Variants in THSD7B observed in about 807,000 individuals in gnomAD.
The protein encoded by THSD7B is thrombospondin type 1 domain containing 7B, also known as thrombospondin type-1 domain-containing protein 7B.
THSD7B carries 138 observed loss-of-function variants against 213.6 expected under a neutral mutation model. The observed-to-expected ratio is 0.65, with a 90% CI of 0.56 to 0.74. The LOEUF is 0.74. Among genes scored for constraint, THSD7B ranks in the 30% least tolerant of loss-of-function variants. The pLI is 0.00. For missense variants in THSD7B, 1,931 were observed against 1,991.5 expected (o/e 0.97, Z 0.58); for synonymous variants, 742 against 687.0 (o/e 1.08, Z -1.25).
chr2:137,164,209 C>A (rs1367442246), intron 6 of THSD7B, among the ~76,000 whole-genome samples: 1 of 152,132 alleles, frequency 6.6e-6, no homozygotes, highest in African/African-American at 2.4e-5. Flanking sequence ...CACTAGATAA[C>A]CAGAGGTGGG....
At chr2:137,526,311 G>A (rs1680276192) in intron 15 of THSD7B, among the ~76,000 whole-genome samples, 1 of 152,088 alleles carries the variant, frequency 6.6e-6, no homozygotes, top group Non-Finnish European at 1.5e-5. Context: ...TGTAAGATAT[G>A]GTGCTAGGGG....
At chr2:137,327,107 A>G (rs185280458) in intron 12 of THSD7B, among the ~76,000 whole-genome samples, 3 of 152,284 alleles carry the variant, frequency 2.0e-5, no homozygotes, top group East Asian at 3.9e-4. Context: ...GTCATCTCCA[A>G]TGAAGGCTTA....
chr2:137,604,564 C>A (rs886665484), intron 17 of THSD7B, among the ~76,000 whole-genome samples: 1 of 152,090 alleles, frequency 6.6e-6, no homozygotes, highest in Non-Finnish European at 1.5e-5. Context: ...TCATTTTAAT[C>A]CCAAAAATTG....
At chr2:137,079,128 G>A (rs566550855) in intron 3 of THSD7B, among the ~76,000 whole-genome samples, 131 of 151,928 alleles carry the variant, frequency 8.6e-4, no homozygotes, top group Admixed American at 2.0e-3. Flanking sequence ...AGACCAGCCT[G>A]GGCAACATAG....
rs1313355079 is a variant in THSD7B, at chr2:137,546,374, ATAATATATATATT to A, written c.3139-16846_3139-16834del. Among the ~76,000 whole-genome samples, 432 of 49,550 alleles carry A rather than the reference ATAATATATATATT, an allele frequency of 8.7e-3. 12 individuals carry two copies. The highest frequency in any genetic ancestry group is 0.016 in the Middle Eastern group (2 of 126). The allele number at this position is 49,550 out of a possible 152,430, so 32.5% of individuals were successfully genotyped here. On this transcript the variant is annotated intron_variant, in intron 15 of 27. Coordinates refer to ENST00000409968, the MANE Select transcript of THSD7B (RefSeq NM_001316349.2). The stretch of plus-strand genomic sequence containing the variant: ...GCATATATATATATTATATATATAT[ATAATATATATATT>A]ATATATATTATATATATTATATATA...
chr2:137,125,878 A>G (rs771635536), intron 5 of THSD7B, among the ~76,000 whole-genome samples: 13 of 152,158 alleles, frequency 8.5e-5, no homozygotes, highest in Admixed American at 7.9e-4. Context: ...TGAAAACATT[A>G]ATCTCCTTGT....
intron 17 of THSD7B, among the ~76,000 whole-genome samples, chr2:137,574,499 A>T (rs1461460598): frequency 6.6e-6 from 1 of 152,088 alleles, no homozygotes; most frequent in Non-Finnish European, 1.5e-5. Flanking sequence ...TTTATTGAGC[A>T]TATCTTATAT....
chr2:137,005,260 G>A (rs945060304), intron 2 of THSD7B, among the ~76,000 whole-genome samples: 6 of 152,358 alleles, frequency 3.9e-5, no homozygotes, highest in African/African-American at 1.4e-4. Flanking sequence ...TTATGAACAA[G>A]TCAGCTGGAA....
chr2:137,677,065 G>GTTTAC lies in THSD7B; in HGVS notation c.*464_*468dup, dbSNP rs1683719144. On this transcript the variant is annotated 3_prime_UTR_variant, in exon 28 of 28. Transcript: ENST00000409968. Reference sequence around the variant, plus strand: ...ATACTTCAACACTGAGTTTTCTAGAGTTTACTTTGGTTTAAAGACTTTCAA... The same window carrying GTTTAC: ...ATACTTCAACACTGAGTTTTCTAGAGTTTACTTTACTTTGGTTTAAAGACTTTCAA... The GTTTAC allele has an allele frequency of 6.5e-6, 1 of 152,938 alleles. No individual in the cohort carries two copies. Among genetic ancestry groups the GTTTAC allele is most frequent in the South Asian group, 2.1e-4 (1 of 4,830 alleles). 9.5% of individuals were successfully genotyped at this position (152,938 alleles called of 1,614,324 possible).
At chr2:137,292,260 A>G (rs557731455) in intron 12 of THSD7B, among the ~76,000 whole-genome samples, 119 of 152,312 alleles carry the variant, frequency 7.8e-4, no homozygotes, top group African/African-American at 2.6e-3. Flanking sequence ...ATAGAAATTA[A>G]TTACAAATGC....
chr2:137,443,661 G>C (rs928352202), intron 14 of THSD7B, among the ~76,000 whole-genome samples: 1 of 152,060 alleles, frequency 6.6e-6, no homozygotes, highest in Non-Finnish European at 1.5e-5. Flanking sequence ...CTGAGTTTGA[G>C]TTCCCGTTCT....
intron 1 of THSD7B, among the ~76,000 whole-genome samples, chr2:136,866,833 G>A (rs887754586): frequency 1.3e-5 from 2 of 152,128 alleles, no homozygotes; most frequent in African/African-American, 2.4e-5. Context: ...AAGAAAGCTG[G>A]GTTTCTAGCA....
At chr2:137,259,817 C>T (rs1573917283) in intron 10 of THSD7B, among the ~76,000 whole-genome samples, 1 of 152,284 alleles carries the variant, frequency 6.6e-6, no homozygotes, top group South Asian at 2.1e-4. Context: ...GCTTCAATTT[C>T]TAGAATGGTA....
chr2:137,049,081 C>T (rs1687016882), intron 2 of THSD7B, among the ~76,000 whole-genome samples: 1 of 152,194 alleles, frequency 6.6e-6, no homozygotes, highest in African/African-American at 2.4e-5. Context: ...TAAGTAAAGT[C>T]AAAGTTGAGT....
chr2:137,359,601 T>C (rs1317437819), intron 12 of THSD7B, among the ~76,000 whole-genome samples: 1 of 152,128 alleles, frequency 6.6e-6, no homozygotes, highest in Non-Finnish European at 1.5e-5. Flanking sequence ...CCCTGGCTTT[T>C]TATCTGGTCT....
intron 7 of THSD7B, among the ~76,000 whole-genome samples, chr2:137,214,487 GT>G (rs1446124998): frequency 5.9e-5 from 9 of 152,046 alleles, no homozygotes; most frequent in Non-Finnish European, 1.2e-4. Context: ...GAACGTGCAG[GT>G]TTGTTACATA....
At chr2:137,022,645 T>G (rs932613105) in intron 2 of THSD7B, among the ~76,000 whole-genome samples, 3 of 152,084 alleles carry the variant, frequency 2.0e-5, no homozygotes, top group Admixed American at 2.0e-4. Context: ...TAACTTTTTT[T>G]TTTGATGTGA....
At chr2:136,870,835 G>T (rs1230736289) in intron 1 of THSD7B, among the ~76,000 whole-genome samples, 3 of 152,130 alleles carry the variant, frequency 2.0e-5, no homozygotes, top group African/African-American at 7.2e-5. Context: ...AGCCACTAGA[G>T]GATTTTGTAG....
At chr2:137,501,135 C>T (rs1311846283) in intron 15 of THSD7B, among the ~76,000 whole-genome samples, 1 of 152,080 alleles carries the variant, frequency 6.6e-6, no homozygotes, top group African/African-American at 2.4e-5. Flanking sequence ...TATTGCTTCA[C>T]CTAGCATCCT....
Sources: gnomAD v4.1 joint callset for allele counts (sites outside exome capture counted in the v4.1 genomes callset) on GRCh38, gnomAD v4.1.1 for gene constraint, MANE v1.5 for transcripts, NCBI Gene and HGNC (gene_info 2026-07-23, HGNC 2026-07-21) for gene names.